ROR2: variants seen among roughly 807,000 people sequenced by gnomAD.
ROR2 encodes the protein tyrosine-protein kinase transmembrane receptor ROR2.
Under a neutral mutation model 74.9 loss-of-function variants are expected in ROR2, and 33 were observed. That is an observed-to-expected ratio of 0.44 (90% CI 0.33 to 0.59). The LOEUF is 0.59. Ranked by LOEUF, ROR2 falls within the 20% of genes least tolerant of loss-of-function variation. The probability of loss-of-function intolerance (pLI) is 0.02; values close to 1 mark genes in which losing one functional copy is unlikely to be tolerated. For synonymous variants in ROR2, 586 were observed against 558.7 expected, an observed-to-expected ratio of 1.05 and a Z score of -0.69; for missense variants, 1,216 against 1,313.8, an observed-to-expected ratio of 0.93 and a Z score of 1.15.
chr9:91,839,265 T>G (rs923704784), intron 1 of ROR2, among the ~76,000 whole-genome samples: 1 of 139,226 alleles, frequency 7.2e-6, no homozygotes, highest in African/African-American at 3.1e-5. Flanking sequence ...TGTGTGTGTG[T>G]GTGTGTGTGT....
chr9:91,763,147 G>C (rs1039379709), intron 2 of ROR2, among the ~76,000 whole-genome samples: 1 of 152,134 alleles, frequency 6.6e-6, no homozygotes, highest in Non-Finnish European at 1.5e-5. Context: ...ATAAAGAAGG[G>C]AACAACAGAC....
At chr9:91,889,223 C>A (rs1587824110) in intron 1 of ROR2, among the ~76,000 whole-genome samples, 1 of 152,200 alleles carries the variant, frequency 6.6e-6, no homozygotes, top group African/African-American at 2.4e-5. Context: ...AAAGCTGAAG[C>A]TGCCGAGTGT....
intron 1 of ROR2, among the ~76,000 whole-genome samples, chr9:91,868,857 T>C (rs1829713706): frequency 1.3e-5 from 2 of 152,196 alleles, no homozygotes; most frequent in Admixed American, 6.5e-5. Flanking sequence ...AAAGAGAACT[T>C]GGACCACCAG....
intron 1 of ROR2, among the ~76,000 whole-genome samples, chr9:91,813,120 A>G (rs1435755828): frequency 6.6e-6 from 1 of 150,758 alleles, no homozygotes; most frequent in Non-Finnish European, 1.5e-5. Context: ...TTACTTTTAG[A>G]AAAAAAAAAT....
intron 1 of ROR2, among the ~76,000 whole-genome samples, chr9:91,893,133 T>C (rs549487975): frequency 6.6e-6 from 1 of 152,232 alleles, no homozygotes; most frequent in East Asian, 1.9e-4. Flanking sequence ...TGCCTGGCAC[T>C]GGAAGATACA....
chr9:91,749,905 T>C (rs1380778130), intron 4 of ROR2, among the ~76,000 whole-genome samples: 1 of 152,140 alleles, frequency 6.6e-6, no homozygotes, highest in Non-Finnish European at 1.5e-5. Context: ...AAAACACATA[T>C]TCTTTCTTTT....
chr9:91,908,773 A>G (rs1175352230), intron 1 of ROR2, among the ~76,000 whole-genome samples: 1 of 152,250 alleles, frequency 6.6e-6, no homozygotes, highest in Non-Finnish European at 1.5e-5. Context: ...GTAGAGCCAA[A>G]GGAAACAGCA....
At chr9:91,842,598 T>G (rs1342694811) in intron 1 of ROR2, among the ~76,000 whole-genome samples, 1 of 152,228 alleles carries the variant, frequency 6.6e-6, no homozygotes, top group Non-Finnish European at 1.5e-5. Context: ...CACTTCCAAT[T>G]GTCCACAGCT....
chr9:91,754,644 G>A (rs913429188), intron 4 of ROR2, among the ~76,000 whole-genome samples: 2 of 152,118 alleles, frequency 1.3e-5, no homozygotes, highest in Non-Finnish European at 2.9e-5. Flanking sequence ...GACAGGGCGA[G>A]ACTCTGTCTC....
chr9:91,808,125 T>C (rs1023197453), intron 1 of ROR2, among the ~76,000 whole-genome samples: 6 of 152,040 alleles, frequency 3.9e-5, no homozygotes, highest in African/African-American at 1.2e-4. Context: ...AAAAAGTGGG[T>C]TGCTTAAAAC....
At chr9:91,839,277 T>TGTGTGTGTGTGTGTGTGTAAGTACAGGC (rs1828712178) in intron 1 of ROR2, among the ~76,000 whole-genome samples, 1 of 145,166 alleles carries the variant, frequency 6.9e-6, no homozygotes, top group African/African-American at 2.7e-5. Context: ...TGTGTGTGTG[T>TGTGTGTGTGTGTGTGTGTAAGTACAGGC]GTGTGTGTGT....
Position 91,733,282 on chromosome 9 carries a change from C to A in ROR2, c.777G>T (p.Leu259=), listed in dbSNP as rs770068276. The A allele has an allele frequency of 6.8e-6, 11 of 1,613,000 alleles. No individual in the cohort carries two copies. The highest frequency in any genetic ancestry group is 9.3e-6 in the Non-Finnish European group (11 of 1,179,780). The change falls in exon 6 of 9, where the codon CTG becomes CTT. Residue 259 remains leucine (L), a synonymous_variant. Coordinates refer to ENST00000375708, the MANE Select transcript of ROR2 (RefSeq NM_004560.4). The surrounding 1 kb of genome is among the most constrained non-coding windows in gnomAD (Gnocchi z 5.7). ...RELCRDECEV[L]ESDLCRQEYT... is the part of the protein sequence containing the mutation. ...ACTCCTGGCGGCACAGGTCGCTCTC[C>A]AGCACCTCGCACTCGTCGCGGCACA...
chr9:91,845,617 C>A (rs1277277807), intron 1 of ROR2, among the ~76,000 whole-genome samples: 1 of 151,996 alleles, frequency 6.6e-6, no homozygotes, highest in South Asian at 2.1e-4. Context: ...CGCGGTTGCT[C>A]GCATCTGTAA....
intron 1 of ROR2, among the ~76,000 whole-genome samples, chr9:91,790,762 T>C (rs1206588404): frequency 6.6e-6 from 1 of 152,168 alleles, no homozygotes; most frequent in Non-Finnish European, 1.5e-5. Context: ...GACCCTGCAG[T>C]GGGACAAGAT....
At chr9:91,784,837 T>C (rs1826740693) in intron 1 of ROR2, among the ~76,000 whole-genome samples, 1 of 152,226 alleles carries the variant, frequency 6.6e-6, no homozygotes, top group South Asian at 2.1e-4. Flanking sequence ...TGTTTAACTT[T>C]TCCCTTAATG....
intron 1 of ROR2, among the ~76,000 whole-genome samples, chr9:91,891,874 C>A (rs554543558): frequency 9.3e-4 from 142 of 152,102 alleles, no homozygotes; most frequent in Admixed American, 2.7e-3. Context: ...ATGGTGAAAA[C>A]CTATCTCTAC....
At chr9:91,891,903 C>T (rs575984469) in intron 1 of ROR2, among the ~76,000 whole-genome samples, 139 of 152,184 alleles carry the variant, frequency 9.1e-4, no homozygotes, top group African/African-American at 3.2e-3. Context: ...CAAAAATTAG[C>T]CAGGCGTGGT....
intron 1 of ROR2, among the ~76,000 whole-genome samples, chr9:91,810,389 G>A (rs77550788): frequency 0.02 from 3,103 of 152,236 alleles, 94 homozygotes; most frequent in East Asian, 0.16. Flanking sequence ...TTTCAGGCCC[G>A]AAGCACCTGC....
intron 1 of ROR2, among the ~76,000 whole-genome samples, chr9:91,799,517 T>C (rs1020995805): frequency 6.6e-5 from 10 of 152,094 alleles, no homozygotes; most frequent in Non-Finnish European, 1.3e-4. Flanking sequence ...TGCTGCACCC[T>C]CTCCCCATGT....
Sources: gnomAD v4.1 joint callset for allele counts (sites outside exome capture counted in the v4.1 genomes callset) on GRCh38, gnomAD v4.1.1 for gene constraint, Gnocchi (gnomAD v3.1) non-coding constraint, MANE v1.5 for transcripts, NCBI Gene and HGNC (gene_info 2026-07-23, HGNC 2026-07-21) for gene names.